PCDHGA8: variants seen among roughly 807,000 people sequenced by gnomAD.
PCDHGA8 encodes protocadherin gamma-A8.
PCDHGA8 carries 45 observed loss-of-function variants against 59.2 expected under a neutral mutation model. That is an observed-to-expected ratio of 0.76 (90% CI 0.60 to 0.98). The LOEUF is 0.98. Among genes scored for constraint, PCDHGA8 ranks in the 50% least tolerant of loss-of-function variants. The pLI is 0.00. For missense variants in PCDHGA8, 1,257 were observed against 1,196.2 expected (o/e 1.05, Z -0.75); for synonymous variants, 531 against 519.0 (o/e 1.02, Z -0.32).
chr5:141,478,372 G>A (rs778468803), intron 1 of PCDHGA8: 2 of 1,613,704 alleles, frequency 1.2e-6, no homozygotes, highest in Non-Finnish European at 8.5e-7. Flanking sequence ...GAGGCCTGAT[G>A]TCGCCGCACC....
At chr5:141,494,682 C>G (rs1282135022) in intron 1 of PCDHGA8, 125 bp from the exon 2 acceptor site, 16 of 1,564,362 alleles carry the variant, frequency 1.0e-5, no homozygotes, top group African/African-American at 1.4e-5. Context: ...ACCCCTGCCC[C>G]CTCTTAGTCC....
intron 1 of PCDHGA8, among the ~76,000 whole-genome samples, chr5:141,457,612 G>T (rs1011626121): frequency 1.8e-4 from 27 of 152,232 alleles, no homozygotes; most frequent in Non-Finnish European, 2.9e-4. Flanking sequence ...AATTATGAAT[G>T]AACTTTAATC....
At chr5:141,418,407 A>C (rs1165583519) in intron 1 of PCDHGA8, 1 of 1,613,926 alleles carries the variant, frequency 6.2e-7, no homozygotes, top group Non-Finnish European at 8.5e-7. Flanking sequence ...TTGGTGGAGA[A>C]AGACAATCCT....
chr5:141,497,824 T>G (rs1164705269), intron 2 of PCDHGA8, among the ~76,000 whole-genome samples: 1 of 152,086 alleles, frequency 6.6e-6, no homozygotes, highest in African/African-American at 2.4e-5. Flanking sequence ...ACAGGTGTGA[T>G]CGCCCCCGGC....
At chr5:141,427,986 G>C in intron 1 of PCDHGA8, 1 of 1,598,018 alleles carries the variant, frequency 6.3e-7, no homozygotes, top group East Asian at 2.2e-5. Context: ...GCTGGGGCCC[G>C]ATGGCTCCGC....
intron 1 of PCDHGA8, chr5:141,423,638 A>G (rs771989468): frequency 2.5e-6 from 4 of 1,598,292 alleles, no homozygotes; most frequent in Non-Finnish European, 3.4e-6. Context: ...ATTTTAGGCA[A>G]ATGTGACCCG....
At chr5:141,430,910 G>T in intron 1 of PCDHGA8, 2 of 1,608,040 alleles carry the variant, frequency 1.2e-6, no homozygotes, top group Middle Eastern at 1.7e-4. Context: ...CATCTCCAGG[G>T]ACCTGGGGCT....
In PCDHGA8 at chr5:141,489,406, A is replaced by T; in HGVS notation, c.2425-5401A>T. 6.2e-7 allele frequency: 1 copy of T among 1,614,166 alleles called. No individual in the cohort carries two copies. Among genetic ancestry groups the T allele is most frequent in the Non-Finnish European group, 8.5e-7 (1 of 1,180,028 alleles). Reference sequence around the variant, plus strand: ...TGTTGCTCAGGATCTGGGCTTAAAGATGACAGATCTGTTGAGCCGGCGGCT... The same window carrying T: ...TGTTGCTCAGGATCTGGGCTTAAAGTTGACAGATCTGTTGAGCCGGCGGCT... On this transcript the variant is annotated intron_variant, in intron 1 of 3. Coordinates refer to ENST00000398604, the MANE Select transcript of PCDHGA8 (RefSeq NM_032088.2). This position sits in a 1 kb window ranked among gnomAD's most constrained non-coding sequence, Gnocchi z 4.5.
chr5:141,419,852 G>A, intron 1 of PCDHGA8: 1 of 1,614,066 alleles, frequency 6.2e-7, no homozygotes, highest in Non-Finnish European at 8.5e-7. Flanking sequence ...CCTGGTGTTC[G>A]CAGATAGCTT....
chr5:141,462,336 T>C (rs2099037439), intron 1 of PCDHGA8, among the ~76,000 whole-genome samples: 1 of 152,238 alleles, frequency 6.6e-6, no homozygotes, highest in African/African-American at 2.4e-5. Flanking sequence ...TTTAATTGTA[T>C]TGTGATCCAA....
intron 1 of PCDHGA8, chr5:141,404,308 C>G: frequency 1.2e-6 from 2 of 1,613,918 alleles, no homozygotes; most frequent in East Asian, 2.2e-5. Flanking sequence ...CACCTGCTTT[C>G]TCTCAAGCCT....
rs201021035 is a variant in PCDHGA8 at position 141,398,584 on chromosome 5, A to G, written c.2424+3347A>G. 8.7e-5 allele frequency: 141 copies of G among 1,614,066 alleles called. 1 individual carries two copies. In the African/African-American group the frequency reaches 1.0e-3, roughly 12 times the overall value. ...GTCTGCACAGCCTGGCACAAGATTT[A>G]TACTAGAAGTAGCAGAAGATGCAGA... On this transcript the variant is annotated intron_variant, in intron 1 of 3. Transcript: ENST00000398604.
At chr5:141,475,871 A>G (rs568810142) in intron 1 of PCDHGA8, 17 of 513,152 alleles carry the variant, frequency 3.3e-5, no homozygotes, top group Middle Eastern at 5.1e-4. Context: ...TTCTTCGTGC[A>G]GTTATTGGCT....
chr5:141,464,068 C>A (rs2099075218), intron 1 of PCDHGA8, among the ~76,000 whole-genome samples: 1 of 152,036 alleles, frequency 6.6e-6, no homozygotes, highest in Admixed American at 6.6e-5. Flanking sequence ...AGTTCAAGGC[C>A]AGCCTGGCCA....
In PCDHGA8 at chr5:141,431,320, C is replaced by A. The variant is rs993831541; in HGVS notation, c.2424+36083C>A. ...CCCTCATCGTGCAAAATGGAGCCGA[C>A]GGTAGTAAGTACCCCGAATTGGTGC... On this transcript the variant is annotated intron_variant, in intron 1 of 3. Transcript: ENST00000398604. This position sits in a 1 kb window ranked among gnomAD's most constrained non-coding sequence, Gnocchi z 4.8. 1 of 1,614,102 alleles carries A rather than the reference C, an allele frequency of 6.2e-7. No individual in the cohort carries two copies. The highest frequency in any genetic ancestry group is 1.7e-5 in the Admixed American group (1 of 60,032).
chr5:141,449,075 T>C (rs1452456191), intron 1 of PCDHGA8, among the ~76,000 whole-genome samples: 3 of 152,240 alleles, frequency 2.0e-5, no homozygotes, highest in African/African-American at 7.2e-5. Context: ...AATAGCCCTG[T>C]ACCTACATCA....
At chr5:141,446,493 T>C (rs1416449558) in intron 1 of PCDHGA8, among the ~76,000 whole-genome samples, 2 of 152,152 alleles carry the variant, frequency 1.3e-5, no homozygotes. Flanking sequence ...TTTTTTTTTT[T>C]TGAGATGGAG....
In PCDHGA8 at chr5:141,394,021, GA is replaced by G. The variant is rs2092902279; in HGVS notation, c.1209del (p.Arg403SerfsTer2). On this transcript the variant is annotated frameshift_variant, in exon 1 of 4. Transcript: ENST00000398604. LOFTEE classifies it high-confidence loss of function. ...KLEKSIGNYY[R>X]LVTRKYLDRE... is the part of the protein sequence containing the mutation. ...GAAAAGTCAATAGGTAATTATTATA[GA>G]TTAGTGACAAGGAAATATTTGGACC... The G allele has an allele frequency of 6.2e-7, 1 of 1,613,362 alleles. No individual in the cohort carries two copies. Among genetic ancestry groups the G allele is most frequent in the Non-Finnish European group, 8.5e-7 (1 of 1,179,640 alleles).
Position 141,423,580 on chromosome 5 carries a change from A to C in PCDHGA8, c.2424+28343A>C, listed in dbSNP as rs368022774. 46 of 1,613,286 alleles carry C rather than the reference A, an allele frequency of 2.9e-5. No individual in the cohort carries two copies. In the African/African-American group the frequency reaches 5.6e-4, roughly 20 times the overall value. On this transcript the variant is annotated intron_variant, in intron 1 of 3. Coordinates refer to ENST00000398604, the MANE Select transcript of PCDHGA8 (RefSeq NM_032088.2). ...TGGGGACACGCTCATCAGCCAGGAGAGCTGTGAGAAAAGCGAGCCACTCTT... is the reference window on the plus strand; with the variant it reads ...TGGGGACACGCTCATCAGCCAGGAGCGCTGTGAGAAAAGCGAGCCACTCTT...
Sources: allele counts gnomAD v4.1 joint callset (sites outside exome capture counted in the v4.1 genomes callset), GRCh38; gene constraint gnomAD v4.1.1; non-coding constraint Gnocchi (gnomAD v3.1); transcripts MANE v1.5; gene names NCBI Gene and HGNC (gene_info 2026-07-23, HGNC 2026-07-21).